ARSG: variants seen among roughly 807,000 people sequenced by gnomAD.
ARSG encodes arylsulfatase G, also known as ASG.
A neutral mutation model predicts 50.5 loss-of-function variants in ARSG; 37 were observed. The ratio of observed to expected loss-of-function variants is 0.73; its 90% CI spans 0.56 to 0.96. The LOEUF (loss-of-function observed/expected upper bound fraction) is 0.96. Among genes scored for constraint, ARSG ranks in the 50% least tolerant of loss-of-function variants. The probability of loss-of-function intolerance (pLI) is 0.00; values close to 1 mark genes in which losing one functional copy is unlikely to be tolerated. For missense variants in ARSG, 629 were observed against 675.3 expected (o/e 0.93, Z 0.76); for synonymous variants, 225 against 254.6 (o/e 0.88, Z 1.11).
intron 1 of ARSG, chr17:68,278,379 T>A (rs1419216276): frequency 8.6e-7 from 1 of 1,160,514 alleles, no homozygotes; most frequent in Non-Finnish European, 1.3e-6. Flanking sequence ...TGAGGATCGA[T>A]GATTCTCATA....
At chr17:68,298,185 T>G (rs2076277421) in intron 1 of ARSG, among the ~76,000 whole-genome samples, 1 of 152,174 alleles carries the variant, frequency 6.6e-6, no homozygotes, top group Non-Finnish European at 1.5e-5. Flanking sequence ...ACTGCTTCAC[T>G]AAATTGTTTT....
At chr17:68,289,339 C>T (rs1472968438), upstream of ARSG, among the ~76,000 whole-genome samples, 1 of 152,148 alleles carries the variant, frequency 6.6e-6, no homozygotes, top group Non-Finnish European at 1.5e-5. Context: ...TGGAAATCCG[C>T]TATCCTTGGG....
intron 2 of ARSG, among the ~76,000 whole-genome samples, chr17:68,328,385 CTG>C (rs1377157966): frequency 1.3e-5 from 2 of 152,150 alleles, no homozygotes; most frequent in Non-Finnish European, 2.9e-5. Context: ...AAGAAGATAA[CTG>C]AGGCTTAGAT....
intron 1 of ARSG, among the ~76,000 whole-genome samples, chr17:68,301,287 T>C (rs1435607082): frequency 6.6e-6 from 1 of 152,114 alleles, no homozygotes; most frequent in East Asian, 1.9e-4. Flanking sequence ...CAAAATTACA[T>C]ATTGGGGTCT....
chr17:68,297,876 CA>C (rs1308638152), intron 1 of ARSG, among the ~76,000 whole-genome samples: 17 of 151,868 alleles, frequency 1.1e-4, no homozygotes, highest in Admixed American at 1.1e-3. Flanking sequence ...GATGGACTAA[CA>C]GTAGCCAATA....
At chr17:68,284,539 A>C (rs1324446428) in intron 1 of ARSG, among the ~76,000 whole-genome samples, 5 of 152,214 alleles carry the variant, frequency 3.3e-5, no homozygotes, top group Non-Finnish European at 7.3e-5. Flanking sequence ...CAAAGTTACT[A>C]AGGCAAAGGT....
At chr17:68,446,138 T>C in the ARSG span, among the ~76,000 whole-genome samples, 54 of 152,144 alleles carry the variant, frequency 3.5e-4, no homozygotes, top group African/African-American at 1.3e-3. Context: ...ATGATGAAGG[T>C]CATCAGTGTT....
intron 1 of ARSG, among the ~76,000 whole-genome samples, chr17:68,279,790 T>G (rs1487152276): frequency 1.3e-5 from 2 of 152,194 alleles, no homozygotes; most frequent in Non-Finnish European, 2.9e-5. Flanking sequence ...TTTGAAACAG[T>G]CATGTGTATT....
chr17:68,364,263 A>G (rs1479446264), intron 6 of ARSG, among the ~76,000 whole-genome samples: 2 of 152,114 alleles, frequency 1.3e-5, no homozygotes, highest in African/African-American at 2.4e-5. Flanking sequence ...TCCCACAAAA[A>G]TAGCATGTGT....
At chr17:68,422,086 TAA>T (rs1251250253), downstream of ARSG, 4 of 442,322 alleles carry the variant, frequency 9.0e-6, no homozygotes, top group Non-Finnish European at 1.6e-5. Flanking sequence ...TATATATTTT[TAA>T]AAGGCTCATC....
intron 8 of ARSG, among the ~76,000 whole-genome samples, chr17:68,374,170 A>AAG (rs1568542021): frequency 9.0e-5 from 13 of 144,284 alleles, no homozygotes; most frequent in East Asian, 2.0e-4. Flanking sequence ...AAAAAAAAAA[A>AAG]AAAAAGAAAC....
At chr17:68,334,565 G>A (rs879501752) in intron 2 of ARSG, among the ~76,000 whole-genome samples, 10 of 152,224 alleles carry the variant, frequency 6.6e-5, no homozygotes, top group South Asian at 4.1e-4. Context: ...TGATCTTTGC[G>A]GTGAGGAATT....
intron 8 of ARSG, among the ~76,000 whole-genome samples, chr17:68,384,694 A>G (rs987269065): frequency 6.6e-6 from 1 of 152,212 alleles, no homozygotes; most frequent in Non-Finnish European, 1.5e-5. Flanking sequence ...CACTTACTCA[A>G]CAAAGATTTG....
chr17:68,415,538 T>G (rs938392305), intron 11 of ARSG, among the ~76,000 whole-genome samples: 4 of 152,218 alleles, frequency 2.6e-5, no homozygotes, highest in Non-Finnish European at 4.4e-5. Context: ...TTAAGTCCAT[T>G]TGTTACAAGG....
At chr17:68,305,493 C>T (rs2076572686) in intron 1 of ARSG, among the ~76,000 whole-genome samples, 1 of 152,132 alleles carries the variant, frequency 6.6e-6, no homozygotes, top group African/African-American at 2.4e-5. Context: ...GCGGTTTAAT[C>T]AACATAAAAT....
At chr17:68,388,944 A>AAAAAT (rs1491203982) in intron 9 of ARSG, among the ~76,000 whole-genome samples, 2,502 of 145,948 alleles carry the variant, frequency 0.017, 123 homozygotes, top group African/African-American at 0.062. Context: ...AAAAAAAAAA[A>AAAAAT]AGAAAAACAG....
Position 68,420,320 on chromosome 17 carries a change from C to T in ARSG, c.1435C>T (p.Leu479=). 6.2e-7 allele frequency: 1 copy of T among 1,614,136 alleles called. No homozygotes were observed. The highest frequency in any genetic ancestry group is 8.5e-7 in the Non-Finnish European group (1 of 1,180,036). The part of the protein sequence containing the change: ...ERGGAEYQAV[L]PEVRKVLADV... Reference sequence around the variant, plus strand: ...AGGTGGTGCGGAGTACCAGGCTGTGCTGCCCGAGGTCAGAAAGGTTCTTGC... The same window carrying T: ...AGGTGGTGCGGAGTACCAGGCTGTGTTGCCCGAGGTCAGAAAGGTTCTTGC... The change falls in exon 12 of 12, where the codon CTG becomes TTG. Residue 479 remains leucine, a synonymous_variant. Coordinates refer to ENST00000621439, the MANE Select transcript of ARSG (RefSeq NM_001267727.2).
At chr17:68,332,288 C>T (rs2077809945) in intron 2 of ARSG, among the ~76,000 whole-genome samples, 1 of 152,220 alleles carries the variant, frequency 6.6e-6, no homozygotes, top group Non-Finnish European at 1.5e-5. Flanking sequence ...TAGCTCTGTT[C>T]CGCCCAGCCC....
At chr17:68,394,989 G>T (rs2147145254) in intron 9 of ARSG, 84 bp from the exon 10 acceptor site, 1 of 1,581,768 alleles carries the variant, frequency 6.3e-7, no homozygotes, top group South Asian at 1.1e-5. Flanking sequence ...CTTGCTCTGG[G>T]CTGGTTCAGG....
Sources: allele counts gnomAD v4.1 joint callset (sites outside exome capture counted in the v4.1 genomes callset), GRCh38; gene constraint gnomAD v4.1.1; transcripts MANE v1.5; gene names NCBI Gene and HGNC (gene_info 2026-07-23, HGNC 2026-07-21).